QTMAN: variants seen among roughly 807,000 people sequenced by gnomAD.
QTMAN encodes the protein tRNA-queuosine alpha-mannosyltransferase.
At chr2:144,322,378 A>T in the QTMAN span, among the ~76,000 whole-genome samples, 1 of 152,228 alleles carries the variant, frequency 6.6e-6, no homozygotes, top group Non-Finnish European at 1.5e-5. Context: ...TTAAAAACTT[A>T]GTAAGATAAC....
the QTMAN span, among the ~76,000 whole-genome samples, chr2:144,215,167 AG>A: frequency 6.6e-5 from 10 of 151,988 alleles, no homozygotes; most frequent in African/African-American, 2.4e-4. Flanking sequence ...ACTTGAGCCC[AG>A]GAGTTTGAAG....
At chr2:144,138,008 AC>A in the QTMAN span, among the ~76,000 whole-genome samples, 1 of 152,038 alleles carries the variant, frequency 6.6e-6, no homozygotes, top group African/African-American at 2.4e-5. Context: ...CCTGACTCTT[AC>A]TTTGTCTTCT....
the QTMAN span, among the ~76,000 whole-genome samples, chr2:144,162,759 G>A: frequency 6.6e-6 from 1 of 152,132 alleles, no homozygotes; most frequent in African/African-American, 2.4e-5. Flanking sequence ...TCCAGGTCTT[G>A]GATGGATAAA....
the QTMAN span, among the ~76,000 whole-genome samples, chr2:144,227,415 C>T: frequency 6.6e-6 from 1 of 152,152 alleles, no homozygotes; most frequent in Admixed American, 6.5e-5. Context: ...CACTGATGTC[C>T]CCTTAGCAAT....
the QTMAN span, among the ~76,000 whole-genome samples, chr2:144,050,405 T>G: frequency 6.6e-6 from 1 of 152,174 alleles, no homozygotes; most frequent in Non-Finnish European, 1.5e-5. Flanking sequence ...ATCAGCTGCC[T>G]TACTAGGTAA....
At chr2:144,111,446 G>C in the QTMAN span, among the ~76,000 whole-genome samples, 2 of 152,166 alleles carry the variant, frequency 1.3e-5, no homozygotes, top group Non-Finnish European at 2.9e-5. Context: ...GTAAGGTAGT[G>C]ATAGCACTGA....
At chr2:143,986,373 A>G in the QTMAN span, among the ~76,000 whole-genome samples, 2 of 152,252 alleles carry the variant, frequency 1.3e-5, no homozygotes, top group Admixed American at 1.3e-4. Context: ...TTTGTACAAG[A>G]TATTGGAATA....
At chr2:143,994,830 G>GT in the QTMAN span, among the ~76,000 whole-genome samples, 1 of 152,124 alleles carries the variant, frequency 6.6e-6, no homozygotes, top group South Asian at 2.1e-4. Context: ...GTGCAACTCT[G>GT]TAAATTTACT....
At chr2:144,093,514 C>G in the QTMAN span, among the ~76,000 whole-genome samples, 2 of 152,178 alleles carry the variant, frequency 1.3e-5, no homozygotes, top group Non-Finnish European at 2.9e-5. Flanking sequence ...AAAAAACAAA[C>G]AAACAAACAA....
the QTMAN span, among the ~76,000 whole-genome samples, chr2:144,149,716 TTCCAATACACATTGTA>T: frequency 6.6e-6 from 1 of 152,046 alleles, no homozygotes; most frequent in South Asian, 2.1e-4. Context: ...TTTCGATTGT[TTCCAATACACATTGTA>T]TCTACATTTC....
chr2:144,010,812 T>C, the QTMAN span, among the ~76,000 whole-genome samples: 2 of 152,186 alleles, frequency 1.3e-5, no homozygotes, highest in East Asian at 3.9e-4. Context: ...TAAGAGTCTC[T>C]AAGGAAAAAG....
the QTMAN span, among the ~76,000 whole-genome samples, chr2:144,134,733 T>G: frequency 6.6e-6 from 1 of 152,282 alleles, no homozygotes; most frequent in African/African-American, 2.4e-5. Context: ...ATAAAGTATA[T>G]ATTTCTGAAT....
At chr2:144,143,316 A>G in the QTMAN span, among the ~76,000 whole-genome samples, 1 of 151,994 alleles carries the variant, frequency 6.6e-6, no homozygotes, top group African/African-American at 2.4e-5. Flanking sequence ...TGATAGATCA[A>G]TACTACTGGA....
chr2:144,283,977 T>C, the QTMAN span, among the ~76,000 whole-genome samples: 9 of 152,096 alleles, frequency 5.9e-5, no homozygotes, highest in South Asian at 2.1e-4. Flanking sequence ...CCCTAACATA[T>C]AGAAAGTCTA....
chr2:144,123,042 T>C, the QTMAN span, among the ~76,000 whole-genome samples: 6 of 151,810 alleles, frequency 4.0e-5, no homozygotes, highest in Non-Finnish European at 7.3e-5. Flanking sequence ...TAATAAATGA[T>C]TTATATGTCT....
chr2:144,018,876 G>C, the QTMAN span, among the ~76,000 whole-genome samples: 1 of 152,102 alleles, frequency 6.6e-6, no homozygotes, highest in Non-Finnish European at 1.5e-5. Flanking sequence ...TTAGTGCCAG[G>C]GAAGGCTCTC....
At chr2:144,080,626 AATCT>A in the QTMAN span, among the ~76,000 whole-genome samples, 1 of 152,218 alleles carries the variant, frequency 6.6e-6, no homozygotes, top group Non-Finnish European at 1.5e-5. Flanking sequence ...GAATTAAAGA[AATCT>A]ATTTGGAGAA....
At chr2:144,276,390 G>T in the QTMAN span, among the ~76,000 whole-genome samples, 1 of 151,474 alleles carries the variant, frequency 6.6e-6, no homozygotes, top group East Asian at 1.9e-4. Flanking sequence ...TAGAGACAGG[G>T]TCTTGCTATG....
At chr2:144,090,530 A>C in the QTMAN span, among the ~76,000 whole-genome samples, 1 of 152,098 alleles carries the variant, frequency 6.6e-6, no homozygotes, top group East Asian at 1.9e-4. Context: ...GATGGATACA[A>C]GATAAAAATA....
Sources: allele counts gnomAD v4.1 joint callset (sites outside exome capture counted in the v4.1 genomes callset), GRCh38; gene constraint gnomAD v4.1.1; transcripts MANE v1.5; gene names NCBI Gene and HGNC (gene_info 2026-07-23, HGNC 2026-07-21).